MZT2B: variants seen among roughly 807,000 people sequenced by gnomAD.
MZT2B encodes the protein mitotic-spindle organizing protein 2B.
A neutral mutation model predicts 12.1 loss-of-function variants in MZT2B; 11 were observed. That is an observed-to-expected ratio of 0.91 (90% CI 0.57 to 1.50). The LOEUF (loss-of-function observed/expected upper bound fraction) is 1.50. Ranked by LOEUF, MZT2B falls within the 40% of genes most tolerant of loss-of-function variation. MZT2B has a pLI of 0.00. For missense variants in MZT2B, 209 were observed against 227.7 expected, an observed-to-expected ratio of 0.92 and a Z score of 0.53; for synonymous variants, 85 against 109.5, an observed-to-expected ratio of 0.78 and a Z score of 1.40.
downstream of MZT2B, chr2:130,193,924 G>A (rs142136975): frequency 1.4e-3 from 2,198 of 1,614,242 alleles, 2 homozygotes; most frequent in Non-Finnish European, 1.7e-3. Context: ...CATGGCGAGG[G>A]TCACACTTGA....
At chr2:130,202,210 A>G in the MZT2B span, 1 of 964,280 alleles carries the variant, frequency 1.0e-6, no homozygotes, top group Non-Finnish European at 1.4e-6. Context: ...AGCACTAAAA[A>G]AAACAGTCCT....
the MZT2B span, among the ~76,000 whole-genome samples, chr2:130,199,197 G>T: frequency 1.7e-5 from 2 of 120,136 alleles, 1 homozygote; most frequent in African/African-American, 6.0e-5. Flanking sequence ...CTGGGCAACA[G>T]AGCCAGACTC....
chr2:130,200,260 A>G, the MZT2B span, among the ~76,000 whole-genome samples: 1 of 152,074 alleles, frequency 6.6e-6, no homozygotes, highest in Middle Eastern at 3.4e-3. Flanking sequence ...GCATGGCTGC[A>G]GGTGCCTGTA....
rs764902134 is a variant in MZT2B at position 130,182,303 on chromosome 2, G to T, written c.21G>T (p.Gly7=). Residue 7 remains glycine (G), a synonymous_variant, in exon 1 of 3, where the codon GGG becomes GGT. Coordinates refer to ENST00000281871, the MANE Select transcript of MZT2B (RefSeq NM_025029.5). MAAQGV[G]PGPGSAAPPG... ...CGGGGATGGCGGCGCAGGGCGTAGG[G>T]CCTGGGCCGGGGTCGGCGGCGCCCC... is the stretch of plus-strand genomic sequence containing the variant. 3.3e-6 allele frequency: 5 copies of T among 1,501,194 alleles called. No individual in the cohort carries two copies. Among genetic ancestry groups the T allele is most frequent in the East Asian group, 2.6e-5 (1 of 38,476 alleles). The allele number at this position is 1,501,194 out of a possible 1,614,324, so 93.0% of individuals were successfully genotyped here.
At chr2:130,195,155 G>A (rs1690373420), downstream of MZT2B, 3 of 1,613,756 alleles carry the variant, frequency 1.9e-6, no homozygotes, top group Non-Finnish European at 2.5e-6. Context: ...GTAATTACTG[G>A]CTGCATCTTC....
downstream of MZT2B, chr2:130,190,740 C>CTT: frequency 3.1e-6 from 4 of 1,279,834 alleles, no homozygotes; most frequent in Non-Finnish European, 3.0e-6. Flanking sequence ...TGTTGTCTAC[C>CTT]GTTTTTTTTT....
At chr2:130,195,974 G>A in the MZT2B span, among the ~76,000 whole-genome samples, 2 of 152,224 alleles carry the variant, frequency 1.3e-5, no homozygotes, top group African/African-American at 2.4e-5. Context: ...ATTAGGAGCC[G>A]AGTCTCACAG....
At chr2:130,190,084 C>G (rs929323130) in intron 2 of MZT2B, among the ~76,000 whole-genome samples, 7 of 152,328 alleles carry the variant, frequency 4.6e-5, no homozygotes, top group Admixed American at 2.6e-4. Flanking sequence ...GCAGCGCATC[C>G]CTGCTGCTGC....
downstream of MZT2B, chr2:130,191,793 C>G: frequency 6.3e-7 from 1 of 1,586,818 alleles, no homozygotes. Flanking sequence ...AAGCAGCCAT[C>G]CTAGGGGTGG....
chr2:130,184,333 T>C, intron 2 of MZT2B: 1 of 985,414 alleles, frequency 1.0e-6, no homozygotes, highest in Non-Finnish European at 1.2e-6. Flanking sequence ...TTAGAAGTTG[T>C]CCCTTATCTG....
rs1393653912 is a variant in MZT2B at position 130,187,981 on chromosome 2, C to T, written c.320-2488C>T. The T allele has an allele frequency of 2.0e-5, 3 of 151,378 alleles. No homozygotes were observed. In the East Asian group the frequency reaches 5.8e-4, roughly 29 times the overall value. 9.4% of individuals were successfully genotyped at this position (151,378 alleles called of 1,614,324 possible). Reference sequence around the variant, plus strand: ...ATCCCTCCAGGCCGTGAGTTTGGGGCAGCAATGAACTGTGATTGCATCACT... The same window carrying T: ...ATCCCTCCAGGCCGTGAGTTTGGGGTAGCAATGAACTGTGATTGCATCACT... On this transcript the variant is annotated intron_variant, in intron 2 of 2. Transcript: ENST00000281871.
At chr2:130,198,332 C>T in the MZT2B span, 9 of 1,353,050 alleles carry the variant, frequency 6.7e-6, 1 homozygote, top group South Asian at 1.3e-5. Context: ...TGGGCATCTG[C>T]GGGGCGGGAG....
downstream of MZT2B, chr2:130,191,657 C>T (rs1332833123): frequency 3.9e-5 from 47 of 1,205,462 alleles, no homozygotes; most frequent in Non-Finnish European, 4.9e-5. Context: ...GCCAGCAGGG[C>T]AGGCTGGCAC....
chr2:130,185,451 G>A (rs1690023913), intron 2 of MZT2B, among the ~76,000 whole-genome samples: 2 of 144,634 alleles, frequency 1.4e-5, no homozygotes, highest in Middle Eastern at 3.6e-3. Context: ...CTGGACTCCA[G>A]CCTGGGCAAC....
the MZT2B span, chr2:130,196,340 G>T: frequency 1.5e-5 from 24 of 1,613,932 alleles, no homozygotes; most frequent in African/African-American, 2.8e-4. Context: ...CTGGACACCC[G>T]CCTGCCCCAC....
chr2:130,194,420 A>G (rs144641511), downstream of MZT2B: 7 of 1,600,770 alleles, frequency 4.4e-6, no homozygotes, highest in African/African-American at 9.4e-5. Flanking sequence ...GCCGCCCCCA[A>G]AGCTGTGGAA....
chr2:130,193,424 C>T (rs1291837994), downstream of MZT2B, among the ~76,000 whole-genome samples: 1 of 151,540 alleles, frequency 6.6e-6, no homozygotes, highest in Non-Finnish European at 1.5e-5. Context: ...ACCTGTCCAA[C>T]ATGGCGAAAC....
At chr2:130,186,380 A>G (rs1371644937) in intron 2 of MZT2B, among the ~76,000 whole-genome samples, 1 of 152,212 alleles carries the variant, frequency 6.6e-6, no homozygotes, top group Non-Finnish European at 1.5e-5. Context: ...CCAGAAGCAC[A>G]GAGGGGCAAT....
downstream of MZT2B, chr2:130,191,877 C>T (rs1690267510): frequency 1.2e-6 from 2 of 1,614,078 alleles, no homozygotes; most frequent in African/African-American, 1.3e-5. Flanking sequence ...GGAATCCACG[C>T]CCACCTCTTC....
Sources: allele counts gnomAD v4.1 joint callset (sites outside exome capture counted in the v4.1 genomes callset), GRCh38; gene constraint gnomAD v4.1.1; transcripts MANE v1.5; gene names NCBI Gene and HGNC (gene_info 2026-07-23, HGNC 2026-07-21).